SEMA5A: variants seen among roughly 807,000 people sequenced by gnomAD.
SEMA5A encodes the protein semaphorin-5A.
SEMA5A carries 55 observed loss-of-function variants against 135.5 expected under a neutral mutation model. The ratio of observed to expected loss-of-function variants is 0.41; its 90% CI spans 0.33 to 0.51. The LOEUF (loss-of-function observed/expected upper bound fraction) is 0.51, where lower values mean the gene tolerates loss of function less well. Among genes scored for constraint, SEMA5A ranks in the 20% least tolerant of loss-of-function variants. The probability of loss-of-function intolerance (pLI) is 0.37; values close to 1 mark genes in which losing one functional copy is unlikely to be tolerated. For missense variants in SEMA5A, 1,290 were observed against 1,419.9 expected (o/e 0.91, Z 1.47); for synonymous variants, 580 against 546.5 (o/e 1.06, Z -0.85).
intron 5 of SEMA5A, among the ~76,000 whole-genome samples, chr5:9,293,161 T>C (rs1157387341): frequency 6.6e-6 from 1 of 152,032 alleles, no homozygotes; most frequent in Non-Finnish European, 1.5e-5. Context: ...TCTTGTCAAC[T>C]GGAACGTGAG....
At chr5:9,480,310 C>G (rs775861066) in intron 1 of SEMA5A, among the ~76,000 whole-genome samples, 1 of 152,162 alleles carries the variant, frequency 6.6e-6, no homozygotes, top group Non-Finnish European at 1.5e-5. Flanking sequence ...GAATCCAAAG[C>G]TGTTTTGAAG....
intron 4 of SEMA5A, among the ~76,000 whole-genome samples, chr5:9,324,954 A>G (rs555741716): frequency 6.6e-6 from 1 of 152,334 alleles, no homozygotes; most frequent in East Asian, 1.9e-4. Context: ...GAGCAACCCA[A>G]AGCATTTAAG....
At chr5:9,136,647 C>A in intron 12 of SEMA5A, 26 bp from the exon 13 acceptor site, 1 of 1,582,370 alleles carries the variant, frequency 6.3e-7, no homozygotes, top group Non-Finnish European at 8.7e-7. Flanking sequence ...AAATGGTCAA[C>A]AGAAAGGTCG....
chr5:9,469,307 A>T (rs1759388049), intron 1 of SEMA5A, among the ~76,000 whole-genome samples: 1 of 152,182 alleles, frequency 6.6e-6, no homozygotes. Flanking sequence ...ACACCCGGCC[A>T]GCAATGGATT....
intron 1 of SEMA5A, among the ~76,000 whole-genome samples, chr5:9,438,577 C>T (rs948974394): frequency 4.6e-5 from 7 of 152,198 alleles, no homozygotes; most frequent in African/African-American, 1.7e-4. Flanking sequence ...ATCTATGATC[C>T]ATATGAGAAA....
intron 5 of SEMA5A, among the ~76,000 whole-genome samples, chr5:9,255,741 T>C (rs1389099692): frequency 6.6e-6 from 1 of 152,338 alleles, no homozygotes; most frequent in East Asian, 1.9e-4. Flanking sequence ...CCTTGTTTTA[T>C]GACAGCAAAC....
At chr5:9,262,212 G>C (rs1369635431) in intron 5 of SEMA5A, among the ~76,000 whole-genome samples, 1 of 89,824 alleles carries the variant, frequency 1.1e-5, no homozygotes, top group Non-Finnish European at 2.1e-5. Context: ...TCTCACACCA[G>C]TTAGAATGGC....
At chr5:9,315,119 A>G (rs1364337877) in intron 5 of SEMA5A, among the ~76,000 whole-genome samples, 3 of 152,148 alleles carry the variant, frequency 2.0e-5, no homozygotes, top group East Asian at 1.9e-4. Flanking sequence ...ACTTTTTTGC[A>G]TCTATTTATT....
chr5:9,218,367 T>C (rs1020183793), intron 8 of SEMA5A, among the ~76,000 whole-genome samples: 7 of 152,198 alleles, frequency 4.6e-5, no homozygotes, highest in Non-Finnish European at 4.4e-5. Context: ...GGCTGTCTGC[T>C]GGCTGCCTGG....
At position 9,037,358 on chromosome 5, in the gene SEMA5A, G is replaced by A. The variant is rs1223042493; in HGVS notation, c.*5539C>T. 5 of 152,154 alleles carry A rather than the reference G, an allele frequency of 3.3e-5. No individual in the cohort carries two copies. Among genetic ancestry groups the A allele is most frequent in the Non-Finnish European group, 7.3e-5 (5 of 68,032 alleles). 9.4% of individuals were successfully genotyped at this position (152,154 alleles called of 1,614,324 possible). ...TGTGTTTTGAGACAGCTTTCACTAG[G>A]AAGTATACATTTTGTGCCAGGCTCT... On this transcript the variant is annotated 3_prime_UTR_variant, in exon 23 of 23. Transcript: ENST00000382496.
chr5:9,361,295 T>C (rs868653366), intron 3 of SEMA5A, among the ~76,000 whole-genome samples: 3 of 100,930 alleles, frequency 3.0e-5, no homozygotes, highest in African/African-American at 1.3e-4. Flanking sequence ...CGAGACTCTG[T>C]CTCAAAAAAA....
At chr5:9,533,446 T>C (rs372917851) in intron 1 of SEMA5A, among the ~76,000 whole-genome samples, 2 of 152,190 alleles carry the variant, frequency 1.3e-5, no homozygotes, top group African/African-American at 4.8e-5. Flanking sequence ...TAGAATTTAA[T>C]GTCTTTTCTC....
chr5:9,364,642 C>T (rs1017896284), intron 3 of SEMA5A, among the ~76,000 whole-genome samples: 4 of 152,150 alleles, frequency 2.6e-5, no homozygotes, highest in African/African-American at 7.2e-5. Flanking sequence ...TATTGTGCAC[C>T]AGCTTTCATA....
At chr5:9,431,405 C>T (rs775300471) in intron 2 of SEMA5A, among the ~76,000 whole-genome samples, 1 of 152,208 alleles carries the variant, frequency 6.6e-6, no homozygotes, top group African/African-American at 2.4e-5. Context: ...AACTTCCCAA[C>T]CTTTGCTTTT....
intron 1 of SEMA5A, among the ~76,000 whole-genome samples, chr5:9,487,443 T>C (rs764314354): frequency 2.0e-5 from 3 of 152,124 alleles, no homozygotes; most frequent in Non-Finnish European, 2.9e-5. Flanking sequence ...GGGAATCGGC[T>C]CCAGAGACTC....
intron 2 of SEMA5A, among the ~76,000 whole-genome samples, chr5:9,424,581 C>A (rs778819464): frequency 2.6e-5 from 4 of 152,082 alleles, no homozygotes; most frequent in Admixed American, 6.5e-5. Flanking sequence ...CTCTCTAGAC[C>A]CGATGAGAAA....
chr5:9,225,742 C>T (rs1052231681), intron 7 of SEMA5A, among the ~76,000 whole-genome samples: 3 of 151,906 alleles, frequency 2.0e-5, no homozygotes, highest in African/African-American at 7.3e-5. Context: ...GATAGCTAAG[C>T]GTCTTGGAGT....
chr5:9,314,758 G>A (rs1481307748), intron 5 of SEMA5A, among the ~76,000 whole-genome samples: 5 of 152,070 alleles, frequency 3.3e-5, no homozygotes, highest in Non-Finnish European at 7.4e-5. Context: ...GTAAACAGTA[G>A]GCTACAGAAC....
At chr5:9,490,961 C>T (rs538336729) in intron 1 of SEMA5A, among the ~76,000 whole-genome samples, 2 of 152,314 alleles carry the variant, frequency 1.3e-5, no homozygotes, top group African/African-American at 4.8e-5. Context: ...GGTACTGCAC[C>T]TATTGCTTTT....
Sources: gnomAD v4.1 joint callset for allele counts (sites outside exome capture counted in the v4.1 genomes callset) on GRCh38, gnomAD v4.1.1 for gene constraint, MANE v1.5 for transcripts, NCBI Gene and HGNC (gene_info 2026-07-23, HGNC 2026-07-21) for gene names.